Variants in TAFA5 observed in about 807,000 individuals in gnomAD.
The protein encoded by TAFA5 is TAFA chemokine like family member 5, also known as chemokine-like protein TAFA-5.
Under a neutral mutation model 15.3 loss-of-function variants are expected in TAFA5, and 6 were observed. The ratio of observed to expected loss-of-function variants is 0.39; its 90% CI spans 0.21 to 0.77. The LOEUF is 0.77. Ranked by LOEUF, TAFA5 falls within the 30% of genes least tolerant of loss-of-function variation. TAFA5 has a pLI of 0.41. For synonymous variants in TAFA5, 103 were observed against 80.7 expected (o/e 1.28, Z -1.48); for missense variants, 161 against 193.1 (o/e 0.83, Z 0.98).
chr22:48,630,365 C>T (rs890657417), intron 1 of TAFA5, among the ~76,000 whole-genome samples: 1 of 152,202 alleles, frequency 6.6e-6, no homozygotes, highest in Non-Finnish European at 1.5e-5. Context: ...GAGGGGCAGG[C>T]GCCCAGAGCT....
At chr22:48,682,959 C>T (rs1026658619) in intron 2 of TAFA5, among the ~76,000 whole-genome samples, 3 of 152,206 alleles carry the variant, frequency 2.0e-5, no homozygotes, top group African/African-American at 7.2e-5. Flanking sequence ...CTTGTCTTGA[C>T]CACACCTAAA....
intron 1 of TAFA5, among the ~76,000 whole-genome samples, chr22:48,531,954 C>T (rs529281982): frequency 1.3e-5 from 2 of 152,340 alleles, no homozygotes; most frequent in South Asian, 4.1e-4. Flanking sequence ...CCAGCACATG[C>T]CGGCACAGCT....
At chr22:48,614,351 T>C (rs554215150) in intron 1 of TAFA5, among the ~76,000 whole-genome samples, 7 of 152,242 alleles carry the variant, frequency 4.6e-5, no homozygotes, top group Non-Finnish European at 1.0e-4. Flanking sequence ...CTAAATGTTC[T>C]TCATTCCTGG....
intron 1 of TAFA5, among the ~76,000 whole-genome samples, chr22:48,595,593 C>T (rs373034440): frequency 1.6e-4 from 25 of 152,366 alleles, no homozygotes; most frequent in African/African-American, 5.3e-4. Context: ...GTGGACAAGC[C>T]ACAATAAGGG....
intron 2 of TAFA5, among the ~76,000 whole-genome samples, chr22:48,672,030 G>A (rs1247269154): frequency 1.3e-5 from 2 of 152,182 alleles, no homozygotes; most frequent in African/African-American, 4.8e-5. Context: ...AAGGGTGTTT[G>A]TAACACTGCT....
At position 48,606,730 on chromosome 22, in the gene TAFA5, C is replaced by T. The variant is rs117902935; in HGVS notation, c.113-39867C>T. Among the ~76,000 whole-genome samples, 28 of 152,252 alleles carry T rather than the reference C, an allele frequency of 1.8e-4. No individual in the cohort carries two copies. In the East Asian group the frequency reaches 4.1e-3, roughly 22 times the overall value. On this transcript the variant is annotated intron_variant, in intron 1 of 3. Transcript: ENST00000402357. ...ATTAGCGATCGCTGCTTAGGAGTGC[C>T]GCGTGTTTCCCCTGCCTGGCTCCTT...
At chr22:48,519,937 C>G (rs1054676397) in intron 1 of TAFA5, among the ~76,000 whole-genome samples, 8 of 152,202 alleles carry the variant, frequency 5.3e-5, no homozygotes, top group African/African-American at 1.9e-4. Flanking sequence ...TGTGACTTTA[C>G]TTGGAAATTG....
At chr22:48,708,937 G>C (rs998657580) in intron 3 of TAFA5, among the ~76,000 whole-genome samples, 3 of 152,184 alleles carry the variant, frequency 2.0e-5, no homozygotes, top group Admixed American at 6.5e-5. Context: ...CAATTTGGTG[G>C]AGTTGCTGCA....
At chr22:48,688,992 GAAAA>G (rs78797172) in intron 2 of TAFA5, among the ~76,000 whole-genome samples, 3 of 82,560 alleles carry the variant, frequency 3.6e-5, no homozygotes, top group African/African-American at 8.8e-5. Flanking sequence ...ACTTGTCTCG[GAAAA>G]AAAAAAAAAA....
intron 1 of TAFA5, among the ~76,000 whole-genome samples, chr22:48,535,970 T>C (rs962791896): frequency 6.6e-6 from 1 of 152,200 alleles, no homozygotes; most frequent in South Asian, 2.1e-4. Flanking sequence ...CAGGCACGCG[T>C]ATGGGCACTC....
intron 1 of TAFA5, among the ~76,000 whole-genome samples, chr22:48,628,520 A>G (rs117274052): frequency 0.032 from 4,817 of 152,278 alleles, 113 homozygotes; most frequent in Middle Eastern, 0.082. Flanking sequence ...CCCAGGTGGG[A>G]TGCCAGGTCT....
chr22:48,547,364 G>A (rs9627373), intron 1 of TAFA5: 7,829 of 152,312 alleles, frequency 0.051, 249 homozygotes, highest in Non-Finnish European at 0.075. Flanking sequence ...GAGCTCTTGG[G>A]GCTTCAGGGG....
intron 3 of TAFA5, among the ~76,000 whole-genome samples, chr22:48,717,006 A>G (rs1389534507): frequency 6.6e-6 from 1 of 152,238 alleles, no homozygotes; most frequent in Non-Finnish European, 1.5e-5. Context: ...AGAAATTATC[A>G]AAGAAATGCT....
At chr22:48,607,137 T>G (rs73173440) in intron 1 of TAFA5, among the ~76,000 whole-genome samples, 1 of 152,164 alleles carries the variant, frequency 6.6e-6, no homozygotes, top group South Asian at 2.1e-4. Context: ...TCGGAGGCAG[T>G]GCATGGATCT....
intron 1 of TAFA5, among the ~76,000 whole-genome samples, chr22:48,559,975 G>T (rs1601579427): frequency 6.6e-6 from 1 of 152,312 alleles, no homozygotes; most frequent in East Asian, 1.9e-4. Flanking sequence ...CAGAATGCAG[G>T]GGTCCAGACC....
intron 1 of TAFA5, among the ~76,000 whole-genome samples, chr22:48,634,999 G>C (rs1056864469): frequency 6.6e-6 from 1 of 152,226 alleles, no homozygotes; most frequent in Non-Finnish European, 1.5e-5. Flanking sequence ...CCATTTTCCT[G>C]AGGTAGGGGG....
chr22:48,502,448 A>G (rs1920957806), intron 1 of TAFA5, among the ~76,000 whole-genome samples: 1 of 151,582 alleles, frequency 6.6e-6, no homozygotes, highest in South Asian at 2.1e-4. Context: ...CAGCAGTTAC[A>G]GTGTTAATGG....
chr22:48,536,145 A>G (rs971618104), intron 1 of TAFA5, among the ~76,000 whole-genome samples: 7 of 152,358 alleles, frequency 4.6e-5, no homozygotes, highest in Admixed American at 2.0e-4. Context: ...GCAAGTGTCC[A>G]TATGTAGGTG....
Position 48,690,534 on chromosome 22 carries a change from G to A in TAFA5, c.263-17183G>A, listed in dbSNP as rs77043864. ...GGCTTACAGTGATGACCAGCCCATCGCCAGGGCCAGGGCCCCTGCATCCTC... is the reference window on the plus strand; with the variant it reads ...GGCTTACAGTGATGACCAGCCCATCACCAGGGCCAGGGCCCCTGCATCCTC... On this transcript the variant is annotated intron_variant, in intron 2 of 3. Coordinates refer to ENST00000402357, the MANE Select transcript of TAFA5 (RefSeq NM_001082967.3). Among the ~76,000 whole-genome samples the A allele has an allele frequency of 8.2e-3, 1,251 of 152,232 alleles. 4 individuals carry two copies. The highest frequency in any genetic ancestry group is 0.013 in the Non-Finnish European group (913 of 68,000).
Sources: gnomAD v4.1 joint callset for allele counts (sites outside exome capture counted in the v4.1 genomes callset) on GRCh38, gnomAD v4.1.1 for gene constraint, MANE v1.5 for transcripts, NCBI Gene and HGNC (gene_info 2026-07-23, HGNC 2026-07-21) for gene names.